The following TENM3 variants were observed in gnomAD, a reference collection of about 807,000 sequenced individuals.
TENM3 encodes the protein teneurin transmembrane protein 3.
TENM3 carries 63 observed loss-of-function variants against 255.1 expected under a neutral mutation model. The ratio of observed to expected loss-of-function variants is 0.25; its 90% CI spans 0.20 to 0.30. The LOEUF is 0.30. Among genes scored for constraint, TENM3 ranks in the 10% least tolerant of loss-of-function variants. TENM3 has a pLI of 1.00. For synonymous variants in TENM3, 1,306 were observed against 1,322.3 expected, an observed-to-expected ratio of 0.99 and a Z score of 0.27; for missense variants, 2,929 against 3,461.1, an observed-to-expected ratio of 0.85 and a Z score of 3.86.
intron 1 of TENM3, among the ~76,000 whole-genome samples, chr4:182,204,521 T>C (rs1371089384): frequency 1.3e-5 from 2 of 152,202 alleles, no homozygotes; most frequent in Non-Finnish European, 1.5e-5. Flanking sequence ...TTAGACACTG[T>C]ATACACCCCT....
At chr4:181,505,289 A>G in the TENM3 span, among the ~76,000 whole-genome samples, 1 of 152,222 alleles carries the variant, frequency 6.6e-6, no homozygotes, top group Non-Finnish European at 1.5e-5. Flanking sequence ...AGCAGGCAGC[A>G]GGTGTGGCAG....
chr4:182,792,221 T>G lies in TENM3; in HGVS notation c.5602-53T>G. The G allele has an allele frequency of 2.9e-5, 45 of 1,531,580 alleles. No homozygotes were observed. Among genetic ancestry groups the G allele is most frequent in the Non-Finnish European group, 3.8e-5 (43 of 1,125,774 alleles). 94.9% of individuals were successfully genotyped at this position (1,531,580 alleles called of 1,614,324 possible). Reference sequence around the variant, plus strand: ...GTGCATCTGTGGTCACTAAATCTGCTTTTGCATCTCCCGTTCACAAACACT... The same window carrying G: ...GTGCATCTGTGGTCACTAAATCTGCGTTTGCATCTCCCGTTCACAAACACT... On this transcript the variant is annotated intron_variant, in intron 25 of 27. Coordinates refer to ENST00000511685, the MANE Select transcript of TENM3 (RefSeq NM_001080477.4). The surrounding 1 kb of genome is among the most constrained non-coding windows in gnomAD (Gnocchi z 6.3).
chr4:182,714,519 TCTC>T (rs1428746865), intron 13 of TENM3, among the ~76,000 whole-genome samples: 8 of 152,156 alleles, frequency 5.3e-5, no homozygotes, highest in Admixed American at 1.3e-4. Context: ...AGGTGACTCT[TCTC>T]CTCAACCACA....
At chr4:181,757,846 T>A in the TENM3 span, among the ~76,000 whole-genome samples, 14 of 152,138 alleles carry the variant, frequency 9.2e-5, no homozygotes, top group African/African-American at 3.1e-4. Flanking sequence ...AAGAACATAT[T>A]TTTTAAAGGG....
chr4:182,290,654 C>G (rs1363564555), intron 1 of TENM3, among the ~76,000 whole-genome samples: 1 of 150,882 alleles, frequency 6.6e-6, no homozygotes, highest in African/African-American at 2.4e-5. Flanking sequence ...AGGCGCCCGC[C>G]ACCACGCCCA....
chr4:182,537,085 G>A (rs549804708), intron 3 of TENM3, among the ~76,000 whole-genome samples: 1 of 152,278 alleles, frequency 6.6e-6, no homozygotes, highest in South Asian at 2.1e-4. Context: ...AGGATTTCAA[G>A]GAAGTACAGT....
the TENM3 span, among the ~76,000 whole-genome samples, chr4:182,012,480 G>A: frequency 4.6e-5 from 7 of 152,144 alleles, no homozygotes; most frequent in Admixed American, 2.0e-4. Context: ...AAAGAACGCC[G>A]GAATTGTCTG....
At chr4:182,747,663 A>G (rs543571745) in intron 19 of TENM3, among the ~76,000 whole-genome samples, 1 of 152,358 alleles carries the variant, frequency 6.6e-6, no homozygotes, top group South Asian at 2.1e-4. Context: ...AAACATGTAG[A>G]ACTAAAAATC....
the TENM3 span, among the ~76,000 whole-genome samples, chr4:181,685,405 G>A: frequency 6.6e-6 from 1 of 152,134 alleles, no homozygotes. Flanking sequence ...GGCATTGTAT[G>A]TTAGTTGGTG....
the TENM3 span, among the ~76,000 whole-genome samples, chr4:181,456,650 G>A: frequency 1.3e-5 from 2 of 151,780 alleles, no homozygotes; most frequent in African/African-American, 4.8e-5. Flanking sequence ...TTCAGTACTT[G>A]TATTGATGAG....
At chr4:181,679,318 G>A in the TENM3 span, among the ~76,000 whole-genome samples, 4,906 of 152,068 alleles carry the variant, frequency 0.032, 241 homozygotes, top group African/African-American at 0.11. Context: ...CTGTGATTCC[G>A]GGGGCTGCCC....
intron 3 of TENM3, among the ~76,000 whole-genome samples, chr4:182,412,485 T>C (rs987809152): frequency 6.6e-6 from 1 of 152,190 alleles, no homozygotes; most frequent in African/African-American, 2.4e-5. Flanking sequence ...ATGAGTTCAC[T>C]GCATATGAAA....
At chr4:181,979,927 C>G in the TENM3 span, among the ~76,000 whole-genome samples, 7 of 152,282 alleles carry the variant, frequency 4.6e-5, no homozygotes, top group Non-Finnish European at 1.0e-4. Context: ...GTAGCCAAGG[C>G]TCCGTGAGGA....
At chr4:181,554,815 A>G in the TENM3 span, among the ~76,000 whole-genome samples, 1 of 152,222 alleles carries the variant, frequency 6.6e-6, no homozygotes, top group Non-Finnish European at 1.5e-5. Flanking sequence ...GTTGGCTTTA[A>G]AGAAAGGACT....
intron 6 of TENM3, among the ~76,000 whole-genome samples, chr4:182,670,314 A>T (rs893394747): frequency 6.6e-6 from 1 of 152,180 alleles, no homozygotes; most frequent in Non-Finnish European, 1.5e-5. Context: ...ATCCTTTTAT[A>T]TTACTGAATT....
At chr4:181,990,626 G>C in the TENM3 span, among the ~76,000 whole-genome samples, 1 of 152,080 alleles carries the variant, frequency 6.6e-6, no homozygotes, top group Non-Finnish European at 1.5e-5. Flanking sequence ...CCACTAAGCT[G>C]GCTTTTCCCT....
chr4:182,498,976 A>T (rs1308791946), intron 3 of TENM3, among the ~76,000 whole-genome samples: 1 of 152,254 alleles, frequency 6.6e-6, no homozygotes, highest in African/African-American at 2.4e-5. Context: ...GCAAGTTTCT[A>T]AAGAGATCTC....
At position 182,706,492 on chromosome 4, in the gene TENM3, G is replaced by T. The variant is rs115597647; in HGVS notation, c.2222-7595G>T. On this transcript the variant is annotated intron_variant, in intron 12 of 27. Transcript: ENST00000511685. ...AACAGATGGGTGAAGGACAGGGGAA[G>T]GATGTTGTAAATAAGGTTTTGCTCA... 8.2e-3 allele frequency among the ~76,000 whole-genome samples: 1,246 copies of T among 152,256 alleles called. 9 individuals are homozygous for T. Among genetic ancestry groups the T allele is most frequent in the Non-Finnish European group, 0.012 (830 of 68,018 alleles).
the TENM3 span, among the ~76,000 whole-genome samples, chr4:182,138,083 TG>T: frequency 6.6e-6 from 1 of 152,198 alleles, no homozygotes; most frequent in African/African-American, 2.4e-5. Flanking sequence ...TTGCAAATGG[TG>T]TAAGAGGAAA....
Sources: gnomAD v4.1 joint callset for allele counts (sites outside exome capture counted in the v4.1 genomes callset) on GRCh38, gnomAD v4.1.1 for gene constraint, Gnocchi (gnomAD v3.1) non-coding constraint, MANE v1.5 for transcripts, NCBI Gene and HGNC (gene_info 2026-07-23, HGNC 2026-07-21) for gene names.